PARD3B: variants seen among roughly 807,000 people sequenced by gnomAD.
PARD3B encodes the protein par-3 family cell polarity regulator beta.
In PARD3B, 103 loss-of-function variants were observed where a neutral mutation model predicts 130.2. That is an observed-to-expected ratio of 0.79 (90% CI 0.67 to 0.93). The LOEUF (loss-of-function observed/expected upper bound fraction) is 0.93, where lower values mean the gene tolerates loss of function less well. PARD3B is among the 40% of genes least tolerant of loss of function. PARD3B has a pLI of 0.00. For missense variants in PARD3B, 1,609 were observed against 1,499.2 expected, an observed-to-expected ratio of 1.07 and a Z score of -1.21; for synonymous variants, 583 against 553.2, an observed-to-expected ratio of 1.05 and a Z score of -0.76.
rs1278697689 is a variant in PARD3B at position 205,217,890 on chromosome 2, A to AT, written c.2140+24571dup. Among the ~76,000 whole-genome samples, 15 of 42,076 alleles carry AT rather than the reference A, an allele frequency of 3.6e-4. 1 individual carries two copies. Among genetic ancestry groups the AT allele is most frequent in the East Asian group, 2.7e-3 (1 of 374 alleles). The allele number at this position is 42,076 out of a possible 152,430, so 27.6% of individuals were successfully genotyped here. A position where few individuals can be genotyped will look rare whatever the true frequency, so the allele number is the denominator to read the frequency against. On this transcript the variant is annotated intron_variant, in intron 15 of 22. Coordinates refer to ENST00000406610, the MANE Select transcript of PARD3B (RefSeq NM_001302769.2). The stretch of plus-strand genomic sequence containing the variant: ...TGTGTATATATATATATATATATAT[A>AT]TATATTTTTTTTTTTATTTTTTTGA...
At chr2:205,172,736 G>C (rs2035245588) in intron 12 of PARD3B, among the ~76,000 whole-genome samples, 1 of 152,142 alleles carries the variant, frequency 6.6e-6, no homozygotes, top group South Asian at 2.1e-4. Flanking sequence ...TTAATGTGGA[G>C]ATCATTGTAA....
At chr2:205,057,972 A>G (rs1699838928) in intron 4 of PARD3B, among the ~76,000 whole-genome samples, 1 of 151,772 alleles carries the variant, frequency 6.6e-6, no homozygotes, top group Non-Finnish European at 1.5e-5. Flanking sequence ...TGGTATAAGT[A>G]CATTCACATT....
At chr2:205,004,141 T>C (rs1695066537) in intron 3 of PARD3B, among the ~76,000 whole-genome samples, 2 of 152,192 alleles carry the variant, frequency 1.3e-5, no homozygotes, top group Non-Finnish European at 2.9e-5. Context: ...TATTCAGAGT[T>C]GGGGTATCAC....
At chr2:205,189,672 T>C (rs1395786970) in intron 14 of PARD3B, among the ~76,000 whole-genome samples, 1 of 152,166 alleles carries the variant, frequency 6.6e-6, no homozygotes, top group Non-Finnish European at 1.5e-5. Context: ...TACAAACCGT[T>C]TTACTAGTCT....
chr2:204,900,512 T>C (rs1406224977), intron 2 of PARD3B, among the ~76,000 whole-genome samples: 2 of 152,210 alleles, frequency 1.3e-5, no homozygotes, highest in Non-Finnish European at 2.9e-5. Flanking sequence ...GGTTTTTGAA[T>C]TCCTTCTCTG....
At chr2:205,569,783 G>A (rs1575389081) in intron 22 of PARD3B, among the ~76,000 whole-genome samples, 2 of 152,270 alleles carry the variant, frequency 1.3e-5, no homozygotes, top group South Asian at 4.2e-4. Flanking sequence ...TCAGTGTTCT[G>A]GGAATAGTCA....
At position 205,207,550 on chromosome 2, in the gene PARD3B, C is replaced by A. The variant is rs1450726910; in HGVS notation, c.2140+14230C>A. On this transcript the variant is annotated intron_variant, in intron 15 of 22. Transcript: ENST00000406610. ...ATAAAGGGGATATCACCACCGATCC[C>A]ACAGAAATACAAACTACCATCAGAG... is the stretch of plus-strand genomic sequence containing the variant. Among the ~76,000 whole-genome samples, 5 of 141,812 alleles carry A rather than the reference C, an allele frequency of 3.5e-5. 1 individual carries two copies. The highest frequency in any genetic ancestry group is 7.6e-5 in the Non-Finnish European group (5 of 65,588). The allele number at this position is 141,812 out of a possible 152,430, so 93.0% of individuals were successfully genotyped here.
intron 21 of PARD3B, among the ~76,000 whole-genome samples, chr2:205,545,495 T>C (rs2052342627): frequency 6.6e-6 from 1 of 152,200 alleles, no homozygotes; most frequent in South Asian, 2.1e-4. Flanking sequence ...ATTTTTATAC[T>C]TTGCATCTTA....
chr2:204,620,045 A>G (rs1018135434), intron 1 of PARD3B, among the ~76,000 whole-genome samples: 3 of 152,124 alleles, frequency 2.0e-5, no homozygotes, highest in Non-Finnish European at 4.4e-5. Flanking sequence ...TCTGTCACCC[A>G]GGCTGGAGTG....
intron 15 of PARD3B, among the ~76,000 whole-genome samples, chr2:205,223,783 C>T (rs2038369659): frequency 6.6e-6 from 1 of 152,062 alleles, no homozygotes; most frequent in African/African-American, 2.4e-5. Flanking sequence ...CATTATGTTT[C>T]CTTTTAATTT....
chr2:205,196,992 G>T (rs1056878188), intron 15 of PARD3B, among the ~76,000 whole-genome samples: 1 of 148,602 alleles, frequency 6.7e-6, no homozygotes, highest in Admixed American at 6.8e-5. Flanking sequence ...ATCAAAATGA[G>T]TTTAAAGATG....
At chr2:205,581,704 A>G (rs1304898114) in intron 22 of PARD3B, among the ~76,000 whole-genome samples, 1 of 151,970 alleles carries the variant, frequency 6.6e-6, no homozygotes, top group East Asian at 1.9e-4. Context: ...TCTGTATCCA[A>G]ACATCACATG....
intron 2 of PARD3B, among the ~76,000 whole-genome samples, chr2:204,884,084 T>G (rs2046181958): frequency 6.6e-6 from 1 of 152,188 alleles, no homozygotes; most frequent in Admixed American, 6.5e-5. Flanking sequence ...GCTAAATATT[T>G]CATCTTTTTC....
At chr2:204,852,981 A>G (rs2044770587) in intron 2 of PARD3B, among the ~76,000 whole-genome samples, 1 of 152,324 alleles carries the variant, frequency 6.6e-6, no homozygotes, top group African/African-American at 2.4e-5. Context: ...AAAATGTAAT[A>G]TGGAAATAAT....
At chr2:204,727,576 A>G (rs1182389196) in intron 2 of PARD3B, among the ~76,000 whole-genome samples, 1 of 152,192 alleles carries the variant, frequency 6.6e-6, no homozygotes, top group African/African-American at 2.4e-5. Flanking sequence ...GCAGGTGGCC[A>G]TCCTGGCAGG....
At chr2:204,734,193 A>C (rs767164768) in intron 2 of PARD3B, among the ~76,000 whole-genome samples, 2 of 152,190 alleles carry the variant, frequency 1.3e-5, no homozygotes, top group African/African-American at 2.4e-5. Context: ...ATCAGAGAAA[A>C]GCAAATCAAA....
At chr2:205,137,162 G>A (rs2032556059) in intron 10 of PARD3B, among the ~76,000 whole-genome samples, 1 of 152,100 alleles carries the variant, frequency 6.6e-6, no homozygotes, top group Admixed American at 6.6e-5. Flanking sequence ...GGACATAAAA[G>A]TTATAAAAAG....
intron 3 of PARD3B, among the ~76,000 whole-genome samples, chr2:205,035,411 G>C (rs958964705): frequency 6.6e-6 from 1 of 152,116 alleles, no homozygotes; most frequent in Non-Finnish European, 1.5e-5. Flanking sequence ...TAAGAGAGAA[G>C]TTCCCATTTG....
chr2:204,891,817 C>T (rs1012097201), intron 2 of PARD3B, among the ~76,000 whole-genome samples: 1 of 152,102 alleles, frequency 6.6e-6, no homozygotes, highest in African/African-American at 2.4e-5. Context: ...AGTATTTTCC[C>T]CTGGGCAGTT....
Sources: allele counts gnomAD v4.1 joint callset (sites outside exome capture counted in the v4.1 genomes callset), GRCh38; gene constraint gnomAD v4.1.1; transcripts MANE v1.5; gene names NCBI Gene and HGNC (gene_info 2026-07-23, HGNC 2026-07-21).